Variants in NTNG1 observed in about 807,000 individuals in gnomAD.
NTNG1 encodes netrin-G1.
Under a neutral mutation model 54.0 loss-of-function variants are expected in NTNG1, and 16 were observed. The observed-to-expected ratio is 0.30, with a 90% CI of 0.20 to 0.45. The LOEUF is 0.45. Ranked by LOEUF, NTNG1 falls within the 20% of genes least tolerant of loss-of-function variation. The pLI, the probability that NTNG1 is intolerant of heterozygous loss-of-function variation, is 1.00. For synonymous variants in NTNG1, 255 were observed against 263.1 expected, an observed-to-expected ratio of 0.97 and a Z score of 0.30; for missense variants, 530 against 678.7, an observed-to-expected ratio of 0.78 and a Z score of 2.43.
At chr1:107,287,259 C>T (rs1369871757) in intron 2 of NTNG1, among the ~76,000 whole-genome samples, 1 of 151,894 alleles carries the variant, frequency 6.6e-6, no homozygotes, top group Non-Finnish European at 1.5e-5. Context: ...TCCCTCTCAA[C>T]CAATAAAAAA....
intron 2 of NTNG1, among the ~76,000 whole-genome samples, chr1:107,216,481 A>G (rs1164909030): frequency 6.6e-6 from 1 of 152,162 alleles, no homozygotes; most frequent in Admixed American, 6.5e-5. Context: ...CCATCCTTGC[A>G]TCTCTGGAAT....
At chr1:107,279,037 G>A (rs538838479) in intron 2 of NTNG1, among the ~76,000 whole-genome samples, 19 of 152,206 alleles carry the variant, frequency 1.2e-4, no homozygotes, top group Non-Finnish European at 1.9e-4. Flanking sequence ...CAAGTAGACT[G>A]GGGTTACTAT....
chr1:107,470,332 T>C (rs1440159069), intron 7 of NTNG1, among the ~76,000 whole-genome samples: 1 of 152,260 alleles, frequency 6.6e-6, no homozygotes, highest in Non-Finnish European at 1.5e-5. Flanking sequence ...TTAACATTTT[T>C]AATATCACCA....
intron 2 of NTNG1, among the ~76,000 whole-genome samples, chr1:107,161,778 A>G (rs540510293): frequency 4.6e-5 from 7 of 151,798 alleles, no homozygotes; most frequent in Non-Finnish European, 7.4e-5. Flanking sequence ...TCACTGACAG[A>G]GTTGAAATAA....
intron 7 of NTNG1, among the ~76,000 whole-genome samples, chr1:107,475,777 G>A (rs1289315429): frequency 6.6e-6 from 1 of 152,082 alleles, no homozygotes; most frequent in Admixed American, 6.6e-5. Flanking sequence ...CTTTGTTGTG[G>A]GGGGTTGTTC....
At chr1:107,427,401 A>G (rs1365135407) in intron 5 of NTNG1, among the ~76,000 whole-genome samples, 2 of 152,112 alleles carry the variant, frequency 1.3e-5, no homozygotes, top group African/African-American at 2.4e-5. Context: ...AACTATTAAT[A>G]TCATCCCTTC....
chr1:107,420,928 C>T (rs761684394), intron 5 of NTNG1, among the ~76,000 whole-genome samples: 7 of 152,100 alleles, frequency 4.6e-5, no homozygotes, highest in Non-Finnish European at 1.0e-4. Context: ...CAAATACAAG[C>T]CTTACTTTGT....
intron 2 of NTNG1, among the ~76,000 whole-genome samples, chr1:107,242,695 G>A (rs1293025768): frequency 1.3e-5 from 2 of 152,134 alleles, no homozygotes; most frequent in Non-Finnish European, 2.9e-5. Context: ...TGAATAGGAA[G>A]ACTTGCTTTG....
chr1:107,280,382 G>A, intron 2 of NTNG1, among the ~76,000 whole-genome samples: 1 of 151,456 alleles, frequency 6.6e-6, no homozygotes, highest in East Asian at 1.9e-4. Context: ...GTGTATGTGT[G>A]TTTGCATGTC....
chr1:107,239,175 A>G (rs1424310792), intron 2 of NTNG1, among the ~76,000 whole-genome samples: 3 of 152,352 alleles, frequency 2.0e-5, no homozygotes, highest in South Asian at 2.1e-4. Flanking sequence ...AGGAGTAGAA[A>G]GTAACAGATA....
chr1:107,330,911 A>C (rs1668235087), intron 3 of NTNG1: 1 of 152,158 alleles, frequency 6.6e-6, no homozygotes, highest in Non-Finnish European at 1.5e-5. Context: ...TAATCTGAGA[A>C]AATTCAAAGA....
intron 5 of NTNG1, among the ~76,000 whole-genome samples, chr1:107,415,997 A>G (rs1244664712): frequency 6.6e-6 from 1 of 152,172 alleles, no homozygotes; most frequent in African/African-American, 2.4e-5. Context: ...TTGTTTTCTT[A>G]CTTGGCCTTG....
At chr1:107,417,395 G>A (rs561955841) in intron 5 of NTNG1, among the ~76,000 whole-genome samples, 9 of 152,162 alleles carry the variant, frequency 5.9e-5, no homozygotes, top group African/African-American at 1.9e-4. Flanking sequence ...GGAAGAATGC[G>A]CTATAATCTA....
At chr1:107,433,892 A>G (rs998458338) in intron 6 of NTNG1, among the ~76,000 whole-genome samples, 2 of 152,218 alleles carry the variant, frequency 1.3e-5, no homozygotes, top group East Asian at 1.9e-4. Flanking sequence ...ATGAGACAGC[A>G]TGAACCTATT....
chr1:107,296,927 T>A (rs1199659582), intron 2 of NTNG1, among the ~76,000 whole-genome samples: 2 of 149,426 alleles, frequency 1.3e-5, no homozygotes, highest in Non-Finnish European at 3.0e-5. Context: ...ATTTCAGTAC[T>A]TACACTGTGT....
At chr1:107,355,634 T>C (rs1216718249) in intron 3 of NTNG1, among the ~76,000 whole-genome samples, 5 of 152,156 alleles carry the variant, frequency 3.3e-5, no homozygotes, top group Non-Finnish European at 7.3e-5. Flanking sequence ...CCTTGCCAAT[T>C]GTCTCAACAA....
At chr1:107,256,166 C>G (rs932908816) in intron 2 of NTNG1, among the ~76,000 whole-genome samples, 2 of 152,130 alleles carry the variant, frequency 1.3e-5, no homozygotes, top group African/African-American at 4.8e-5. Flanking sequence ...AGGAAAATGA[C>G]ATTATTGATC....
intron 2 of NTNG1, among the ~76,000 whole-genome samples, chr1:107,294,937 A>G (rs559104184): frequency 8.7e-4 from 133 of 152,338 alleles, no homozygotes; most frequent in Non-Finnish European, 1.6e-3. Flanking sequence ...TTCATCCAAT[A>G]CAATATCAAC....
At chr1:107,378,311 T>G (rs1360803639) in intron 3 of NTNG1, among the ~76,000 whole-genome samples, 8 of 152,182 alleles carry the variant, frequency 5.3e-5, no homozygotes, top group Non-Finnish European at 1.5e-5. Context: ...GGTGAAAGAC[T>G]GATCGCATAG....
Sources: allele counts gnomAD v4.1 joint callset (sites outside exome capture counted in the v4.1 genomes callset), GRCh38; gene constraint gnomAD v4.1.1; transcripts MANE v1.5; gene names NCBI Gene and HGNC (gene_info 2026-07-23, HGNC 2026-07-21).